MTMR9: variants seen among roughly 807,000 people sequenced by gnomAD.
MTMR9 encodes myotubularin-related protein 9.
Under a neutral mutation model 69.5 loss-of-function variants are expected in MTMR9, and 39 were observed. The observed-to-expected ratio is 0.56, with a 90% CI of 0.43 to 0.73. The LOEUF (loss-of-function observed/expected upper bound fraction) is 0.73. MTMR9 is among the 30% of genes least tolerant of loss of function. The pLI is 0.00. For synonymous variants in MTMR9, 354 were observed against 240.8 expected, an observed-to-expected ratio of 1.47 and a Z score of -4.35; for missense variants, 900 against 671.2, an observed-to-expected ratio of 1.34 and a Z score of -3.77.
chr8:11,331,406 C>G (rs138175010), downstream of MTMR9: 262 of 1,613,958 alleles, frequency 1.6e-4, 1 homozygote, highest in African/African-American at 2.9e-3. Flanking sequence ...CTCCTGACAT[C>G]CGAGGCTGGG....
rs377288588 is a variant in MTMR9, at chr8:11,314,875, C to T, written c.972-48C>T. The T allele has an allele frequency of 6.3e-6, 10 of 1,581,536 alleles. No homozygotes were observed. The African/African-American group carries it at 1.2e-4, about 19-fold the overall frequency. On this transcript the variant is annotated intron_variant, in intron 6 of 9. Coordinates refer to ENST00000221086, the MANE Select transcript of MTMR9 (RefSeq NM_015458.4). ...GCTTGTTATTAACAGAGTTCATTGA[C>T]CATGTTGGACATTTCCCATTTGTAC...
intron 1 of MTMR9, among the ~76,000 whole-genome samples, chr8:11,293,443 G>A (rs1799435377): frequency 6.6e-6 from 1 of 152,192 alleles, no homozygotes; most frequent in Admixed American, 6.5e-5. Flanking sequence ...CATTTTAACA[G>A]TAAATTTAGT....
Position 11,284,834 on chromosome 8 carries a change from G to A in MTMR9, c.-55G>A, listed in dbSNP as rs1431196451. ...TGTTTCCGCTACTTCCCTGCGGCGGGGTAACCGCCTCGCACCTACCGGGCT... is the reference window on the plus strand; with the variant it reads ...TGTTTCCGCTACTTCCCTGCGGCGGAGTAACCGCCTCGCACCTACCGGGCT... On this transcript the variant is annotated 5_prime_UTR_variant, in exon 1 of 10. Transcript: ENST00000221086. The A allele has an allele frequency of 6.1e-6, 9 of 1,480,598 alleles. No homozygotes were observed. Among genetic ancestry groups the A allele is most frequent in the African/African-American group, 1.4e-5 (1 of 69,646 alleles). 91.7% of individuals were successfully genotyped at this position (1,480,598 alleles called of 1,614,324 possible).
At chr8:11,337,384 T>C in the MTMR9 span, among the ~76,000 whole-genome samples, 18 of 152,332 alleles carry the variant, frequency 1.2e-4, no homozygotes, top group Middle Eastern at 0.01. Flanking sequence ...TCACCTTGGA[T>C]ATCTTAACGT....
chr8:11,314,448 A>T (rs1321321134), intron 6 of MTMR9, among the ~76,000 whole-genome samples: 3 of 152,248 alleles, frequency 2.0e-5, no homozygotes, highest in African/African-American at 7.2e-5. Flanking sequence ...ATTGAATTAC[A>T]GTTTATGAAG....
At chr8:11,332,121 T>C, downstream of MTMR9, 1 of 1,607,420 alleles carries the variant, frequency 6.2e-7, no homozygotes, top group South Asian at 1.1e-5. Flanking sequence ...GGTGGAGGAG[T>C]GAGATAGAAC....
In MTMR9 at chr8:11,306,218, C is replaced by G. The variant is rs529793084; in HGVS notation, c.620C>G (p.Thr207Ser). ...ATTATGCGAAGTGGTCAGCCACTCACTGGTACAAACGGGAGGAGGTGCAAG... is the reference window on the plus strand; with the variant it reads ...ATTATGCGAAGTGGTCAGCCACTCAGTGGTACAAACGGGAGGAGGTGCAAG... ...MVIMRSGQPL[T>S]GTNGRRCKED... The change falls in exon 5 of 10, where the codon ACT becomes AGT. Residue 207 changes from threonine (T) to serine (S), a missense_variant. Physicochemically the swap from Thr to Ser is moderately conservative, Grantham distance 58. Transcript: ENST00000221086. The G allele has an allele frequency of 3.7e-6, 6 of 1,613,344 alleles. No homozygotes were observed. The African/African-American group carries it at 5.3e-5, about 14-fold the overall frequency.
chr8:11,296,225 T>G (rs1799554657), intron 2 of MTMR9, among the ~76,000 whole-genome samples: 1 of 152,214 alleles, frequency 6.6e-6, no homozygotes, highest in East Asian at 1.9e-4. Flanking sequence ...TCTGATTTGT[T>G]TTCTACGTTT....
chr8:11,309,436 C>G (rs2117420046), intron 5 of MTMR9, 91 bp from the exon 6 acceptor site: 2 of 1,119,436 alleles, frequency 1.8e-6, no homozygotes, highest in East Asian at 4.9e-5. Context: ...TACTTTTGCT[C>G]TTAGATATGT....
chr8:11,335,435 G>C, the MTMR9 span, among the ~76,000 whole-genome samples: 1 of 151,872 alleles, frequency 6.6e-6, no homozygotes, highest in Non-Finnish European at 1.5e-5. Context: ...AATAAATATA[G>C]AGATATTCTA....
intron 1 of MTMR9, among the ~76,000 whole-genome samples, chr8:11,287,323 C>G (rs150270461): frequency 7.2e-5 from 11 of 152,122 alleles, no homozygotes; most frequent in African/African-American, 2.4e-4. Context: ...ACTTTGCGCT[C>G]ATTTGTTTCC....
chr8:11,300,993 A>G (rs1799729798), intron 3 of MTMR9, among the ~76,000 whole-genome samples: 1 of 152,166 alleles, frequency 6.6e-6, no homozygotes, highest in Non-Finnish European at 1.5e-5. Flanking sequence ...TGCATGAAAA[A>G]AGCAATCAGA....
chr8:11,323,641 T>C lies in MTMR9; in HGVS notation c.*853T>C, dbSNP rs868268843. 2.0e-5 allele frequency: 3 copies of C among 152,220 alleles called. No homozygotes were observed. Among genetic ancestry groups the C allele is most frequent in the African/African-American group, 7.2e-5 (3 of 41,448 alleles). The allele number at this position is 152,220 out of a possible 1,614,324, so 9.4% of individuals were successfully genotyped here. A position where few individuals can be genotyped will look rare whatever the true frequency, so the allele number is the denominator to read the frequency against. On this transcript the variant is annotated 3_prime_UTR_variant, in exon 10 of 10. Transcript: ENST00000221086. ...TAATTTATTATAATCAAGCTACAAA[T>C]AGGTTTTCTTAAACCAGAGATGCAC...
At chr8:11,296,210 A>G (rs953975890) in intron 2 of MTMR9, among the ~76,000 whole-genome samples, 1 of 152,094 alleles carries the variant, frequency 6.6e-6, no homozygotes, top group Non-Finnish European at 1.5e-5. Context: ...AGTACTTAAC[A>G]TCTCTCTGAT....
chr8:11,296,555 TC>T (rs1317501647), intron 2 of MTMR9, among the ~76,000 whole-genome samples: 2 of 152,162 alleles, frequency 1.3e-5, no homozygotes. Context: ...TCTCTCCAGC[TC>T]CTGAGAACCC....
downstream of MTMR9, among the ~76,000 whole-genome samples, chr8:11,329,450 A>T (rs1257651499): frequency 6.6e-6 from 1 of 152,190 alleles, no homozygotes; most frequent in Non-Finnish European, 1.5e-5. Flanking sequence ...AGTGCCTGCC[A>T]TTGCAGGCTC....
intron 4 of MTMR9, 52 bp downstream of exon 4, chr8:11,305,066 C>A (rs780825489): frequency 1.3e-6 from 2 of 1,550,462 alleles, no homozygotes; most frequent in East Asian, 4.6e-5. Context: ...GGTTGGGGAT[C>A]TTTTCGTAGA....
chr8:11,325,443 T>C lies in MTMR9; in HGVS notation c.*2655T>C, dbSNP rs1800887251. 1 of 152,080 alleles carries C rather than the reference T, an allele frequency of 6.6e-6. No individual in the cohort carries two copies. Among genetic ancestry groups the C allele is most frequent in the African/African-American group, 2.4e-5 (1 of 41,412 alleles). 9.4% of individuals were successfully genotyped at this position (152,080 alleles called of 1,614,324 possible). A position where few individuals can be genotyped will look rare whatever the true frequency, so the allele number is the denominator to read the frequency against. Reference sequence around the variant, plus strand: ...ATGAAGAGAATGGTGGCAGAATGAGTGAGCAAGCAGATTGCCCCAGAGGGG... The same window carrying C: ...ATGAAGAGAATGGTGGCAGAATGAGCGAGCAAGCAGATTGCCCCAGAGGGG... On this transcript the variant is annotated 3_prime_UTR_variant, in exon 10 of 10. Transcript: ENST00000221086.
chr8:11,338,578 C>A, the MTMR9 span, among the ~76,000 whole-genome samples: 1 of 152,162 alleles, frequency 6.6e-6, no homozygotes. Context: ...GAACCTTTTC[C>A]ACAGCGATCT....
Sources: allele counts gnomAD v4.1 joint callset (sites outside exome capture counted in the v4.1 genomes callset), GRCh38; gene constraint gnomAD v4.1.1; transcripts MANE v1.5; gene names NCBI Gene and HGNC (gene_info 2026-07-23, HGNC 2026-07-21).